Variants in KLHL26 observed in about 807,000 individuals in gnomAD.
The protein encoded by KLHL26 is kelch-like protein 26.
In KLHL26, 4 loss-of-function variants were observed where a neutral mutation model predicts 7.1. The ratio of observed to expected loss-of-function variants is 0.56; its 90% CI spans 0.28 to 1.28. The LOEUF (loss-of-function observed/expected upper bound fraction) is 1.28. KLHL26 is among the 50% of genes most tolerant of loss of function. The pLI is 0.11. For missense variants in KLHL26, 896 were observed against 924.6 expected (o/e 0.97, Z 0.40); for synonymous variants, 465 against 414.1 (o/e 1.12, Z -1.49).
intron 1 of KLHL26, among the ~76,000 whole-genome samples, chr19:18,645,495 T>C (rs1252431608): frequency 1.3e-5 from 2 of 152,048 alleles, no homozygotes; most frequent in African/African-American, 2.4e-5. Context: ...GTGAGGGATG[T>C]GCCAGCTTCA....
intron 1 of KLHL26, among the ~76,000 whole-genome samples, chr19:18,660,672 G>T (rs2052383708): frequency 6.6e-6 from 1 of 152,122 alleles, no homozygotes; most frequent in African/African-American, 2.4e-5. Flanking sequence ...TCGCTTCTCC[G>T]TCCAGGCTGG....
At chr19:18,653,374 CCA>C (rs1290348468) in intron 1 of KLHL26, among the ~76,000 whole-genome samples, 1 of 142,204 alleles carries the variant, frequency 7.0e-6, no homozygotes, top group Non-Finnish European at 1.5e-5. Context: ...ACCCCACCAC[CCA>C]CCCACCCATC....
In KLHL26 at chr19:18,649,174, GTACATTC is replaced by G. The variant is rs1056739572; in HGVS notation, c.83+12039_83+12045del. ...CGCCACTGCTCGCCCTGTCGTCATG[GTACATTC>G]TCTGCTTGAGGACCCATGTCCCTGT... is the stretch of plus-strand genomic sequence containing the variant. On this transcript the variant is annotated intron_variant, in intron 1 of 2. Transcript: ENST00000300976. This position sits in a 1 kb window ranked among gnomAD's most constrained non-coding sequence, Gnocchi z 4.0. Among the ~76,000 whole-genome samples, 1 of 152,186 alleles carries G rather than the reference GTACATTC, an allele frequency of 6.6e-6. No individual in the cohort carries two copies. The highest frequency in any genetic ancestry group is 2.4e-5 in the African/African-American group (1 of 41,438).
At chr19:18,654,786 C>G (rs1226613846) in intron 1 of KLHL26, among the ~76,000 whole-genome samples, 1 of 151,968 alleles carries the variant, frequency 6.6e-6, no homozygotes, top group Non-Finnish European at 1.5e-5. Context: ...CTCACCGATT[C>G]ACCCATCTAC....
intron 1 of KLHL26, among the ~76,000 whole-genome samples, chr19:18,640,387 G>GTA (rs1403278922): frequency 1.3e-5 from 2 of 151,664 alleles, no homozygotes; most frequent in Non-Finnish European, 2.9e-5. Flanking sequence ...CTACAAGGGC[G>GTA]TATGCCACCA....
chr19:18,666,244 G>A (rs938913408), intron 2 of KLHL26, among the ~76,000 whole-genome samples: 1 of 152,102 alleles, frequency 6.6e-6, no homozygotes, highest in African/African-American at 2.4e-5. Context: ...GTCAGTGGGC[G>A]GCCCCGAGAT....
rs921541863 is a variant in KLHL26, at chr19:18,670,094, C to T, written c.*849C>T. ...TTCAGAATCCCATAGTGGCGCTTGC[C>T]GCAGGTCTGGTGGGGTGTCTTTTTT... On this transcript the variant is annotated 3_prime_UTR_variant, in exon 3 of 3. Coordinates refer to ENST00000300976, the MANE Select transcript of KLHL26 (RefSeq NM_018316.3). 4 of 152,190 alleles carry T rather than the reference C, an allele frequency of 2.6e-5. No individual in the cohort carries two copies. The South Asian group carries it at 6.2e-4, about 24-fold the overall frequency. The allele number at this position is 152,190 out of a possible 1,614,324, so 9.4% of individuals were successfully genotyped here.
At position 18,650,450 on chromosome 19, in the gene KLHL26, C is replaced by T. The variant is rs537302943; in HGVS notation, c.83+13313C>T. ...AGTCATCCTCTATCTGAAAAACTTCCAGGACTGAAGTTCGAGTTGGAAGCA... is the reference window on the plus strand; with the variant it reads ...AGTCATCCTCTATCTGAAAAACTTCTAGGACTGAAGTTCGAGTTGGAAGCA... On this transcript the variant is annotated intron_variant, in intron 1 of 2. Coordinates refer to ENST00000300976, the MANE Select transcript of KLHL26 (RefSeq NM_018316.3). This position sits in a 1 kb window ranked among gnomAD's most constrained non-coding sequence, Gnocchi z 4.2. Among the ~76,000 whole-genome samples the T allele has an allele frequency of 6.6e-6, 1 of 152,258 alleles. No individual in the cohort carries two copies. Among genetic ancestry groups the T allele is most frequent in the East Asian group, 1.9e-4 (1 of 5,174 alleles).
At chr19:18,663,097 C>T (rs891101816) in intron 1 of KLHL26, among the ~76,000 whole-genome samples, 1 of 152,232 alleles carries the variant, frequency 6.6e-6, no homozygotes. Context: ...AGCATATGTC[C>T]TGCTTCCCCA....
intron 1 of KLHL26, among the ~76,000 whole-genome samples, chr19:18,654,616 T>C (rs898425450): frequency 2.0e-5 from 3 of 149,140 alleles, no homozygotes; most frequent in Admixed American, 1.3e-4. Context: ...CATCCGTTCA[T>C]CCACCCATCC....
chr19:18,651,259 C>T (rs530759186), intron 1 of KLHL26, among the ~76,000 whole-genome samples: 1 of 152,256 alleles, frequency 6.6e-6, no homozygotes, highest in East Asian at 1.9e-4. Flanking sequence ...CTGCCAACAC[C>T]ACCAGGAAGG....
At chr19:18,662,541 C>A (rs1045431889) in intron 1 of KLHL26, among the ~76,000 whole-genome samples, 2 of 152,220 alleles carry the variant, frequency 1.3e-5, no homozygotes, top group Non-Finnish European at 2.9e-5. Context: ...AAACTGGGGA[C>A]AAGGAGAGAC....
Position 18,650,917 on chromosome 19 carries a change from T to C in KLHL26, c.84-13344T>C, listed in dbSNP as rs1220130126. Among the ~76,000 whole-genome samples the C allele has an allele frequency of 6.6e-6, 1 of 152,018 alleles. No individual in the cohort carries two copies. The highest frequency in any genetic ancestry group is 1.5e-5 in the Non-Finnish European group (1 of 67,992). ...CCCCTCAGCCCCGGTAGGAAGCTGG[T>C]GTGCACTGCAGGGAGAGGCGGCAGC... On this transcript the variant is annotated intron_variant, in intron 1 of 2. Coordinates refer to ENST00000300976, the MANE Select transcript of KLHL26 (RefSeq NM_018316.3). This position sits in a 1 kb window ranked among gnomAD's most constrained non-coding sequence, Gnocchi z 4.2.
In KLHL26 at chr19:18,669,380, C is replaced by A; in HGVS notation, c.*135C>A. On this transcript the variant is annotated 3_prime_UTR_variant, in exon 3 of 3. Coordinates refer to ENST00000300976, the MANE Select transcript of KLHL26 (RefSeq NM_018316.3). Reference sequence around the variant, plus strand: ...TTGAGGGGCCTGCTGCGTTGATAAGCCCCCCTCCCAGGGGTCCCTCCCTCC... The same window carrying A: ...TTGAGGGGCCTGCTGCGTTGATAAGACCCCCTCCCAGGGGTCCCTCCCTCC... The A allele has an allele frequency of 3.0e-6, 2 of 665,178 alleles. No homozygotes were observed. The highest frequency in any genetic ancestry group is 5.1e-6 in the Non-Finnish European group (2 of 390,132). 41.2% of individuals were successfully genotyped at this position (665,178 alleles called of 1,614,324 possible).
intron 1 of KLHL26, among the ~76,000 whole-genome samples, chr19:18,642,074 T>C (rs765859480): frequency 6.6e-5 from 10 of 152,026 alleles, no homozygotes; most frequent in African/African-American, 9.7e-5. Context: ...ATGCAGAAAA[T>C]GGATCATATT....
intron 1 of KLHL26, among the ~76,000 whole-genome samples, chr19:18,645,189 C>T (rs1380634167): frequency 6.6e-6 from 1 of 152,130 alleles, no homozygotes; most frequent in Non-Finnish European, 1.5e-5. Flanking sequence ...CACCAGCTGG[C>T]CTCCTCCCAG....
In KLHL26 at chr19:18,662,724, G is replaced by A. The variant is rs181120618; in HGVS notation, c.84-1537G>A. ...TGTGGGGGGCTGGATAGGGGAGAGC[G>A]GCCCATGAGCCTGCGACATGCTCCT... On this transcript the variant is annotated intron_variant, in intron 1 of 2. Coordinates refer to ENST00000300976, the MANE Select transcript of KLHL26 (RefSeq NM_018316.3). Among the ~76,000 whole-genome samples, 90 of 152,234 alleles carry A rather than the reference G, an allele frequency of 5.9e-4. 1 individual carries two copies. Among genetic ancestry groups the A allele is most frequent in the Non-Finnish European group, 4.3e-4 (29 of 68,008 alleles).
rs1486998664 is a variant in KLHL26, at chr19:18,668,853, G to A, written c.1456G>A (p.Asp486Asn). The change falls in exon 3 of 3, where the codon GAC becomes AAC. Residue 486 changes from aspartate to asparagine, a missense_variant. Asp to Asn is a conservative substitution (Grantham distance 23). Transcript: ENST00000300976. ...KALHCYDPVA[D>N]QWEFKAPMSE... The stretch of plus-strand genomic sequence containing the variant: ...CCTGCACTGCTACGACCCCGTGGCC[G>A]ACCAGTGGGAGTTCAAGGCGCCCAT... 1 of 1,592,226 alleles carries A rather than the reference G, an allele frequency of 6.3e-7. No individual in the cohort carries two copies. The highest frequency in any genetic ancestry group is 8.5e-7 in the Non-Finnish European group (1 of 1,174,974).
intron 1 of KLHL26, among the ~76,000 whole-genome samples, chr19:18,644,424 C>A (rs1348944221): frequency 6.6e-6 from 1 of 152,134 alleles, no homozygotes; most frequent in Non-Finnish European, 1.5e-5. Context: ...CATCTAGGAG[C>A]AGAATTGCTG....
Sources: allele counts gnomAD v4.1 joint callset (sites outside exome capture counted in the v4.1 genomes callset), GRCh38; gene constraint gnomAD v4.1.1; non-coding constraint Gnocchi (gnomAD v3.1); transcripts MANE v1.5; gene names NCBI Gene and HGNC (gene_info 2026-07-23, HGNC 2026-07-21).